The following CRISPLD1 variants were observed in gnomAD, a reference collection of about 807,000 sequenced individuals.
The protein encoded by CRISPLD1 is cysteine rich secretory protein LCCL domain containing 1.
In CRISPLD1, 60 loss-of-function variants were observed where a neutral mutation model predicts 77.5. That is an observed-to-expected ratio of 0.77 (90% confidence interval 0.63 to 0.96). The LOEUF (loss-of-function observed/expected upper bound fraction) is 0.96, where lower values mean the gene tolerates loss of function less well. CRISPLD1 is among the 40% of genes least tolerant of loss of function. The pLI is 0.00. For missense variants in CRISPLD1, 623 were observed against 615.8 expected (o/e 1.01, Z -0.12); for synonymous variants, 195 against 200.1 (o/e 0.97, Z 0.22).
intron 10 of CRISPLD1, among the ~76,000 whole-genome samples, chr8:75,018,457 A>C (rs1219348456): frequency 6.6e-6 from 1 of 151,746 alleles, no homozygotes; most frequent in Non-Finnish European, 1.5e-5. Flanking sequence ...TGCCCAGCTA[A>C]TTTTTGTATT....
At chr8:75,012,371 T>C in intron 2 of CRISPLD1, 62 bp from the exon 3 acceptor site, 1 of 928,712 alleles carries the variant, frequency 1.1e-6, no homozygotes. Flanking sequence ...TGCTCAACAC[T>C]GTGTTCTGCA....
chr8:75,001,064 GTAC>G (rs1417132484), intron 2 of CRISPLD1, among the ~76,000 whole-genome samples: 1 of 151,582 alleles, frequency 6.6e-6, no homozygotes, highest in African/African-American at 2.4e-5. Context: ...ATATCCTGAA[GTAC>G]TCTATTGAAA....
chr8:74,989,563 ATGTC>A (rs1812543206), intron 2 of CRISPLD1, among the ~76,000 whole-genome samples: 2 of 151,714 alleles, frequency 1.3e-5, no homozygotes, highest in Non-Finnish European at 2.9e-5. Context: ...TATTTGAAAA[ATGTC>A]TGTACATGTC....
Position 75,016,718 on chromosome 8 carries a change from T to C in CRISPLD1, c.868+13T>C. 6.3e-7 allele frequency: 1 copy of C among 1,594,908 alleles called. No homozygotes were observed. Among genetic ancestry groups the C allele is most frequent in the Non-Finnish European group, 8.5e-7 (1 of 1,172,378 alleles). The stretch of plus-strand genomic sequence containing the variant: ...GCACAGCAAATGTGTAAGACCTCCA[T>C]ATTACTTATAAAAATTTTCAAAGTA... On this transcript the variant is annotated intron_variant, in intron 7 of 14. Coordinates refer to ENST00000262207, the MANE Select transcript of CRISPLD1 (RefSeq NM_031461.6).
chr8:75,008,920 C>T (rs1812881591), intron 2 of CRISPLD1, among the ~76,000 whole-genome samples: 1 of 152,052 alleles, frequency 6.6e-6, no homozygotes, highest in South Asian at 2.1e-4. Flanking sequence ...GATTTCTATA[C>T]AACAGAAATA....
intron 10 of CRISPLD1, among the ~76,000 whole-genome samples, chr8:75,019,625 T>C (rs2128786919): frequency 6.6e-6 from 1 of 152,080 alleles, no homozygotes; most frequent in Non-Finnish European, 1.5e-5. Flanking sequence ...TATGCTATTA[T>C]CTATATGTTT....
chr8:75,016,908 T>A lies in CRISPLD1; in HGVS notation c.896T>A (p.Leu299Ter). 1 of 1,573,352 alleles carries A rather than the reference T, an allele frequency of 6.4e-7. No homozygotes were observed. Among genetic ancestry groups the A allele is most frequent in the Non-Finnish European group, 8.6e-7 (1 of 1,158,098 alleles). ...MSQIVSCEVRLRDQCKGTTCN... is the reference protein window; with the variant it reads ...MSQIVSCEVR ...CAAATTGTTTCTTGTGAAGTAAGATTAAGAGATCAGTGCAAAGGAACAACC... is the reference window on the plus strand; with the variant it reads ...CAAATTGTTTCTTGTGAAGTAAGATAAAGAGATCAGTGCAAAGGAACAACC... The change falls in exon 8 of 15, where the codon TTA becomes TAA. Residue 299 changes from leucine to a stop codon, truncating the protein, a stop_gained. Coordinates refer to ENST00000262207, the MANE Select transcript of CRISPLD1 (RefSeq NM_031461.6). LOFTEE classifies it high-confidence loss of function.
At chr8:75,024,991 T>C (rs1813207100) in intron 12 of CRISPLD1, among the ~76,000 whole-genome samples, 1 of 152,142 alleles carries the variant, frequency 6.6e-6, no homozygotes. Flanking sequence ...GTTTCATACA[T>C]GGTAAGTTTG....
At chr8:75,014,340 T>G (rs898892948) in intron 5 of CRISPLD1, among the ~76,000 whole-genome samples, 3 of 152,166 alleles carry the variant, frequency 2.0e-5, no homozygotes, top group Non-Finnish European at 4.4e-5. Flanking sequence ...TTTATGTCTT[T>G]GGTTTTACTC....
At chr8:74,992,143 G>T (rs569732060) in intron 2 of CRISPLD1, among the ~76,000 whole-genome samples, 3 of 152,132 alleles carry the variant, frequency 2.0e-5, no homozygotes, top group Admixed American at 6.5e-5. Flanking sequence ...TGGATGAATA[G>T]GTAAGATTAT....
In CRISPLD1 at chr8:75,033,565, C is replaced by G. The variant is rs533770142; in HGVS notation, c.*1323C>G. Reference sequence around the variant, plus strand: ...TAGGAAAAAAAGAATCTGAAAGATACAAAGTGATTATAAAAGAATTGACAG... The same window carrying G: ...TAGGAAAAAAAGAATCTGAAAGATAGAAAGTGATTATAAAAGAATTGACAG... On this transcript the variant is annotated 3_prime_UTR_variant, in exon 15 of 15. Coordinates refer to ENST00000262207, the MANE Select transcript of CRISPLD1 (RefSeq NM_031461.6). 1 of 151,826 alleles carries G rather than the reference C, an allele frequency of 6.6e-6. No homozygotes were observed. Among genetic ancestry groups the G allele is most frequent in the African/African-American group, 2.4e-5 (1 of 41,466 alleles). The allele number at this position is 151,826 out of a possible 1,614,324, so 9.4% of individuals were successfully genotyped here. A position where few individuals can be genotyped will look rare whatever the true frequency, so the allele number is the denominator to read the frequency against.
chr8:75,016,752 G>C, intron 7 of CRISPLD1, 47 bp downstream of exon 7: 1 of 1,570,656 alleles, frequency 6.4e-7, no homozygotes, highest in Non-Finnish European at 8.6e-7. Flanking sequence ...TACATAAATG[G>C]TATATCCATC....
chr8:75,011,107 T>A (rs562484075), intron 2 of CRISPLD1, among the ~76,000 whole-genome samples: 1 of 115,048 alleles, frequency 8.7e-6, no homozygotes, highest in Non-Finnish European at 1.7e-5. Context: ...AGTTTAAATT[T>A]CTTTTTTTTT....
intron 2 of CRISPLD1, among the ~76,000 whole-genome samples, chr8:74,999,053 T>C (rs1324890238): frequency 6.6e-6 from 1 of 152,190 alleles, no homozygotes; most frequent in Non-Finnish European, 1.5e-5. Flanking sequence ...TACAGGAATC[T>C]AAATAATGAA....
At position 75,012,291 on chromosome 8, in the gene CRISPLD1, T is replaced by G. The variant is rs1405251019; in HGVS notation, c.259-142T>G. 4 of 636,108 alleles carry G rather than the reference T, an allele frequency of 6.3e-6. No individual in the cohort carries two copies. In the East Asian group the frequency reaches 1.1e-4, roughly 17 times the overall value. 39.4% of individuals were successfully genotyped at this position (636,108 alleles called of 1,614,324 possible). A position where few individuals can be genotyped will look rare whatever the true frequency, so the allele number is the denominator to read the frequency against. ...AGGCCAGTGCAAAAACTTAGATGAC[T>G]TTTGAGTCTGATGAGAATCCAGACT... On this transcript the variant is annotated intron_variant, in intron 2 of 14. Coordinates refer to ENST00000262207, the MANE Select transcript of CRISPLD1 (RefSeq NM_031461.6).
chr8:75,021,504 G>C (rs915635561), intron 12 of CRISPLD1, among the ~76,000 whole-genome samples: 1 of 152,108 alleles, frequency 6.6e-6, no homozygotes, highest in Admixed American at 6.5e-5. Context: ...CAAGTATGTA[G>C]GATAATTTGA....
intron 2 of CRISPLD1, among the ~76,000 whole-genome samples, chr8:74,992,176 G>GT (rs932585543): frequency 5.3e-5 from 8 of 152,152 alleles, no homozygotes; most frequent in Non-Finnish European, 8.8e-5. Flanking sequence ...TGGAGGACAG[G>GT]TAAGACAGAG....
intron 13 of CRISPLD1, chr8:75,026,395 CA>C (rs1393619631): frequency 1.3e-5 from 2 of 152,288 alleles, no homozygotes; most frequent in African/African-American, 4.8e-5. Context: ...TAAAGAGGAT[CA>C]GGGAACGTGT....
rs1329133299 is a variant in CRISPLD1, at chr8:75,032,316, C to CAAG, written c.*75_*76insAGA. On this transcript the variant is annotated 3_prime_UTR_variant, in exon 15 of 15. Transcript: ENST00000262207. ...TTCTGAATTTTGTATAAAACTGTAA[C>CAAG]ATTACTGTACAGAGTACATCAACTA... 4 of 1,160,142 alleles carry CAAG rather than the reference C, an allele frequency of 3.4e-6. No individual in the cohort carries two copies. The South Asian group carries it at 4.3e-5, about 12-fold the overall frequency. 71.9% of individuals were successfully genotyped at this position (1,160,142 alleles called of 1,614,324 possible). A position where few individuals can be genotyped will look rare whatever the true frequency, so the allele number is the denominator to read the frequency against.
Sources: gnomAD v4.1 joint callset for allele counts (sites outside exome capture counted in the v4.1 genomes callset) on GRCh38, gnomAD v4.1.1 for gene constraint, MANE v1.5 for transcripts, NCBI Gene and HGNC (gene_info 2026-07-23, HGNC 2026-07-21) for gene names.